FANCA: variants seen among roughly 807,000 people sequenced by gnomAD.
FANCA encodes FA complementation group A.
Under a neutral mutation model 194.3 loss-of-function variants are expected in FANCA, and 236 were observed. The ratio of observed to expected loss-of-function variants is 1.21; its 90% CI spans 1.09 to 1.35. The LOEUF (loss-of-function observed/expected upper bound fraction) is 1.35, where lower values mean the gene tolerates loss of function less well. FANCA is among the 40% of genes most tolerant of loss of function. FANCA has a pLI of 0.00. For synonymous variants in FANCA, 1,014 were observed against 715.8 expected, an observed-to-expected ratio of 1.42 and a Z score of -6.65; for missense variants, 2,628 against 1,813.9, an observed-to-expected ratio of 1.45 and a Z score of -8.15.
At chr16:89,752,077 T>C (rs2038614246) in intron 31 of FANCA, 61 bp downstream of exon 31, 19 of 1,485,604 alleles carry the variant, frequency 1.3e-5, no homozygotes, top group South Asian at 1.1e-4. Flanking sequence ...GCAATAAATA[T>C]CTTAATAGCA....
rs775388912 is a variant in FANCA at position 89,770,563 on chromosome 16, C to A, written c.2222+1G>T. On this transcript the variant is annotated splice_donor_variant, in intron 24 of 42. Transcript: ENST00000389301. LOFTEE classifies it high-confidence loss of function. The stretch of plus-strand genomic sequence containing the variant: ...ACTCAGGGAGCTGCCCGCGCCTTCA[C>A]CTCTCCGGGGGAGCGACACTGGAGG... 1 of 1,607,684 alleles carries A rather than the reference C, an allele frequency of 6.2e-7. No individual in the cohort carries two copies. Among genetic ancestry groups the A allele is most frequent in the Non-Finnish European group, 8.5e-7 (1 of 1,177,134 alleles).
At chr16:89,798,046 A>G (rs1383437084) in intron 10 of FANCA, among the ~76,000 whole-genome samples, 1 of 152,202 alleles carries the variant, frequency 6.6e-6, no homozygotes, top group African/African-American at 2.4e-5. Context: ...ACTAAACTGT[A>G]TCCCCACAAA....
Position 89,738,077 on chromosome 16 carries a change from G to A in FANCA, c.*524C>T. The A allele has an allele frequency of 6.2e-7, 1 of 1,614,102 alleles. No individual in the cohort carries two copies. Among genetic ancestry groups the A allele is most frequent in the Non-Finnish European group, 8.5e-7 (1 of 1,180,044 alleles). ...GAGCTGGACTTTGCCTGTGACCAGTGTGGCCGGCGGTTTGAGAAGGCCCAC... is the reference window on the plus strand; with the variant it reads ...GAGCTGGACTTTGCCTGTGACCAGTATGGCCGGCGGTTTGAGAAGGCCCAC... On this transcript the variant is annotated 3_prime_UTR_variant, in exon 43 of 43. Transcript: ENST00000389301.
intron 30 of FANCA, among the ~76,000 whole-genome samples, chr16:89,758,256 C>A (rs1227530353): frequency 6.6e-6 from 1 of 152,192 alleles, no homozygotes; most frequent in Non-Finnish European, 1.5e-5. Context: ...ATGTGATAGG[C>A]TCAAGTGTAC....
intron 15 of FANCA, among the ~76,000 whole-genome samples, chr16:89,783,572 A>C (rs1299482038): frequency 2.0e-5 from 3 of 151,804 alleles, no homozygotes; most frequent in African/African-American, 7.3e-5. Context: ...ACAACAAAAA[A>C]AAAACACAAT....
chr16:89,798,057 G>A (rs1367910288), intron 10 of FANCA, among the ~76,000 whole-genome samples: 1 of 152,136 alleles, frequency 6.6e-6, no homozygotes, highest in Non-Finnish European at 1.5e-5. Context: ...TCCCCACAAA[G>A]TTCCTCTGTT....
chr16:89,778,772 G>C (rs757066075), intron 20 of FANCA, 29 bp downstream of exon 20: 13 of 1,604,016 alleles, frequency 8.1e-6, no homozygotes, highest in African/African-American at 1.3e-5. Flanking sequence ...CCTGGAAGTA[G>C]TCATCCCCTT....
intron 9 of FANCA, 46 bp downstream of exon 9, chr16:89,799,559 G>A (rs1382533543): frequency 2.5e-6 from 4 of 1,574,254 alleles, no homozygotes; most frequent in Non-Finnish European, 3.5e-6. Context: ...TTGCTAATAA[G>A]CAAACTAAGT....
rs147184552 is a variant in FANCA at position 89,762,787 on chromosome 16, T to C, written c.2779-765A>G. Reference sequence around the variant, plus strand: ...CTGGGACTGCAGGTGCACATCACCATGACCAGCTAAGTTTTTTAAAAACAT... The same window carrying C: ...CTGGGACTGCAGGTGCACATCACCACGACCAGCTAAGTTTTTTAAAAACAT... On this transcript the variant is annotated intron_variant, in intron 28 of 42. Transcript: ENST00000389301. 9.4e-4 allele frequency: 423 copies of C among 450,586 alleles called. 5 individuals carry two copies. Among genetic ancestry groups the C allele is most frequent in the African/African-American group, 7.4e-3 (370 of 49,686 alleles). The allele number at this position is 450,586 out of a possible 1,614,324, so 27.9% of individuals were successfully genotyped here.
chr16:89,802,625 G>A (rs1003003602), intron 8 of FANCA, among the ~76,000 whole-genome samples: 8 of 151,436 alleles, frequency 5.3e-5, no homozygotes, highest in Middle Eastern at 3.5e-3. Flanking sequence ...GGATGGTCTC[G>A]ATCTCCTGAC....
At chr16:89,767,851 T>C (rs1308129427) in intron 26 of FANCA, among the ~76,000 whole-genome samples, 2 of 151,606 alleles carry the variant, frequency 1.3e-5, no homozygotes, top group East Asian at 3.9e-4. Flanking sequence ...ACCAGTCGAG[T>C]TTTTAATTTT....
intron 2 of FANCA, among the ~76,000 whole-genome samples, 188 bp downstream of exon 2, chr16:89,815,689 A>G (rs1196404935): frequency 1.3e-5 from 2 of 151,854 alleles, no homozygotes; most frequent in Non-Finnish European, 2.9e-5. Context: ...GTTTTTAATA[A>G]AAGAGGCGGG....
At chr16:89,815,793 T>G in intron 2 of FANCA, 84 bp downstream of exon 2, 1 of 1,142,206 alleles carries the variant, frequency 8.8e-7, no homozygotes, top group Non-Finnish European at 1.3e-6. Flanking sequence ...GCCTCGGGTG[T>G]TTTCTTAGGA....
chr16:89,765,821 G>A (rs907129911), intron 27 of FANCA, among the ~76,000 whole-genome samples: 4 of 152,168 alleles, frequency 2.6e-5, no homozygotes, highest in Admixed American at 2.0e-4. Context: ...TTAAAAACTT[G>A]GCACCAGGGA....
intron 27 of FANCA, among the ~76,000 whole-genome samples, chr16:89,766,687 C>G (rs2039139400): frequency 6.6e-6 from 1 of 151,426 alleles, no homozygotes; most frequent in African/African-American, 2.4e-5. Context: ...TGCACTCCAG[C>G]CTGGGCGACA....
At chr16:89,775,687 T>A (rs1270845837) in intron 21 of FANCA, 55 bp downstream of exon 21, 1 of 1,432,964 alleles carries the variant, frequency 7.0e-7, no homozygotes, top group African/African-American at 1.4e-5. Flanking sequence ...ACACTCAAGG[T>A]TAGGAAAATG....
At chr16:89,809,232 G>A (rs1193474554) in intron 5 of FANCA, among the ~76,000 whole-genome samples, 5 of 152,126 alleles carry the variant, frequency 3.3e-5, no homozygotes, top group South Asian at 2.1e-4. Context: ...CACAGTCCGT[G>A]CAGGAAGGCT....
intron 14 of FANCA, among the ~76,000 whole-genome samples, chr16:89,788,764 C>A (rs1051012333): frequency 6.6e-6 from 1 of 152,130 alleles, no homozygotes; most frequent in African/African-American, 2.4e-5. Context: ...CATGCCACTG[C>A]ACTCCAGCCT....
intron 15 of FANCA, among the ~76,000 whole-genome samples, chr16:89,783,815 G>A (rs1484856591): frequency 6.6e-6 from 1 of 152,046 alleles, no homozygotes; most frequent in Non-Finnish European, 1.5e-5. Context: ...CCAGGCTGGA[G>A]TGCAATGGTG....
Sources: gnomAD v4.1 joint callset for allele counts (sites outside exome capture counted in the v4.1 genomes callset) on GRCh38, gnomAD v4.1.1 for gene constraint, MANE v1.5 for transcripts, NCBI Gene and HGNC (gene_info 2026-07-23, HGNC 2026-07-21) for gene names.